The following PSMC1 variants were observed in gnomAD, a reference collection of about 807,000 sequenced individuals.
PSMC1 encodes the protein 26S proteasome regulatory subunit 4.
In PSMC1, 5 loss-of-function variants were observed where a neutral mutation model predicts 49.8. The observed-to-expected ratio is 0.10, with a 90% CI of 0.05 to 0.21. PSMC1 has a LOEUF of 0.21. PSMC1 is among the 10% of genes least tolerant of loss of function. PSMC1 has a pLI of 1.00. For synonymous variants in PSMC1, 155 were observed against 192.1 expected, an observed-to-expected ratio of 0.81 and a Z score of 1.60; for missense variants, 181 against 535.7, an observed-to-expected ratio of 0.34 and a Z score of 6.54.
At chr14:90,260,577 A>G (rs1316435915) in intron 3 of PSMC1, among the ~76,000 whole-genome samples, 2 of 152,182 alleles carry the variant, frequency 1.3e-5, no homozygotes, top group African/African-American at 4.8e-5. Flanking sequence ...CTAAAAATAC[A>G]AAGAATTAGC....
rs1483993292 is a variant in PSMC1, at chr14:90,256,726, ATCT to A, written c.3+130_3+132del. ...GCCCTCTTCTCCTTTTGCCGGCCTG[ATCT>A]TCTCGGCGGGTGGAGGCTCCCAGAG... On this transcript the variant is annotated intron_variant, in intron 1 of 10. Coordinates refer to ENST00000261303, the MANE Select transcript of PSMC1 (RefSeq NM_002802.3). 73 of 1,450,846 alleles carry A rather than the reference ATCT, an allele frequency of 5.0e-5. No individual in the cohort carries two copies. In the African/African-American group the frequency reaches 9.0e-4, roughly 18 times the overall value. The allele number at this position is 1,450,846 out of a possible 1,614,324, so 89.9% of individuals were successfully genotyped here.
At position 90,273,362 on chromosome 14, in the gene PSMC1, A is replaced by C. The variant is rs1485382330; in HGVS notation, c.*955A>C. 3.3e-5 allele frequency: 5 copies of C among 151,506 alleles called. No individual in the cohort carries two copies. The highest frequency in any genetic ancestry group is 1.2e-4 in the African/African-American group (5 of 41,502). The allele number at this position is 151,506 out of a possible 1,614,324, so 9.4% of individuals were successfully genotyped here. On this transcript the variant is annotated 3_prime_UTR_variant, in exon 11 of 11. Coordinates refer to ENST00000261303, the MANE Select transcript of PSMC1 (RefSeq NM_002802.3). ...ATCACAAGGTCAGAAGTTTGAGGCCAGCCTGGCCAACATGGTGAAACCCCA... is the reference window on the plus strand; with the variant it reads ...ATCACAAGGTCAGAAGTTTGAGGCCCGCCTGGCCAACATGGTGAAACCCCA...
intron 4 of PSMC1, 29 bp downstream of exon 4, chr14:90,263,471 T>G (rs147908366): frequency 0.01 from 16,177 of 1,543,696 alleles, 119 homozygotes; most frequent in Middle Eastern, 0.021. Context: ...ATCATTTTCT[T>G]TTTTACAAAT....
chr14:90,267,974 A>G, intron 7 of PSMC1: 1 of 371,466 alleles, frequency 2.7e-6, no homozygotes, highest in Non-Finnish European at 4.8e-6. Context: ...CCAAGTAAAA[A>G]GTATTTTCTG....
chr14:90,272,100 G>T lies in PSMC1; in HGVS notation c.1189-173G>T. The T allele has an allele frequency of 1.9e-6, 1 of 525,296 alleles. No homozygotes were observed. Among genetic ancestry groups the T allele is most frequent in the Non-Finnish European group, 3.3e-6 (1 of 300,838 alleles). 32.5% of individuals were successfully genotyped at this position (525,296 alleles called of 1,614,324 possible). ...GTAGAGATGGGGTTTCACCGTGTTG[G>T]CCAGGCTGGTCTTGAACTCCTGACC... On this transcript the variant is annotated intron_variant, in intron 10 of 10. Coordinates refer to ENST00000261303, the MANE Select transcript of PSMC1 (RefSeq NM_002802.3). The surrounding 1 kb of genome is among the most constrained non-coding windows in gnomAD (Gnocchi z 4.5).
At chr14:90,260,552 G>C (rs1386727235) in intron 3 of PSMC1, among the ~76,000 whole-genome samples, 1 of 152,146 alleles carries the variant, frequency 6.6e-6, no homozygotes, top group Non-Finnish European at 1.5e-5. Context: ...AAAACACGGT[G>C]AAACCCTGTC....
Position 90,272,081 on chromosome 14 carries a change from A to G in PSMC1, c.1189-192A>G. The G allele has an allele frequency of 2.3e-6, 1 of 436,080 alleles. No individual in the cohort carries two copies. The highest frequency in any genetic ancestry group is 5.7e-5 in the East Asian group (1 of 17,500). The allele number at this position is 436,080 out of a possible 1,614,324, so 27.0% of individuals were successfully genotyped here. ...CTAACTTTTTGTATTTTTAGTAGAGATGGGGTTTCACCGTGTTGGCCAGGC... is the reference window on the plus strand; with the variant it reads ...CTAACTTTTTGTATTTTTAGTAGAGGTGGGGTTTCACCGTGTTGGCCAGGC... On this transcript the variant is annotated intron_variant, in intron 10 of 10. Coordinates refer to ENST00000261303, the MANE Select transcript of PSMC1 (RefSeq NM_002802.3). The surrounding 1 kb of genome is among the most constrained non-coding windows in gnomAD (Gnocchi z 4.5).
intron 7 of PSMC1, chr14:90,267,986 C>G (rs967205490): frequency 2.5e-6 from 1 of 396,600 alleles, no homozygotes; most frequent in Non-Finnish European, 4.5e-6. Context: ...TATTTTCTGA[C>G]GTTATCATAA....
chr14:90,256,701 G>C, intron 1 of PSMC1, 101 bp downstream of exon 1: 6 of 1,516,634 alleles, frequency 4.0e-6, no homozygotes, highest in Non-Finnish European at 5.4e-6. Flanking sequence ...AACTGGGACA[G>C]CCCTCTTCTC....
At chr14:90,257,730 C>T (rs1361105796) in intron 1 of PSMC1, among the ~76,000 whole-genome samples, 1 of 152,004 alleles carries the variant, frequency 6.6e-6, no homozygotes, top group Non-Finnish European at 1.5e-5. Context: ...GTAGCTGCGA[C>T]TATAGGCGCC....
intron 1 of PSMC1, 104 bp from the exon 2 acceptor site, chr14:90,259,056 T>G: frequency 1.0e-6 from 1 of 996,132 alleles, no homozygotes; most frequent in East Asian, 2.9e-5. Flanking sequence ...GAGGGAGAAA[T>G]GTTACTCACA....
intron 1 of PSMC1, among the ~76,000 whole-genome samples, chr14:90,258,849 G>T (rs950144146): frequency 6.6e-6 from 1 of 152,164 alleles, no homozygotes; most frequent in African/African-American, 2.4e-5. Context: ...CCCCTCAAGA[G>T]GGGGGTGATC....
Position 90,270,271 on chromosome 14 carries a change from A to C in PSMC1, c.1107A>C (p.Thr369=). ...AGAAGCGCATCTTTCAGATTCACAC[A>C]AGCAGGATGACGCTGGCTGATGATG... ...KTKKRIFQIH[T]SRMTLADDVT... Residue 369 remains threonine, a synonymous_variant, in exon 10 of 11, where the codon ACA becomes ACC. Coordinates refer to ENST00000261303, the MANE Select transcript of PSMC1 (RefSeq NM_002802.3). The C allele has an allele frequency of 1.2e-6, 2 of 1,613,718 alleles. No individual in the cohort carries two copies. The highest frequency in any genetic ancestry group is 1.7e-6 in the Non-Finnish European group (2 of 1,179,886).
chr14:90,269,913 T>C lies in PSMC1; in HGVS notation c.1034-285T>C, dbSNP rs1172615006. On this transcript the variant is annotated intron_variant, in intron 9 of 10. Coordinates refer to ENST00000261303, the MANE Select transcript of PSMC1 (RefSeq NM_002802.3). Reference sequence around the variant, plus strand: ...GTGATTTGTTTGCTGTCTTTTGTAATGTTTTTAACACAATAGGTCTGCCCA... The same window carrying C: ...GTGATTTGTTTGCTGTCTTTTGTAACGTTTTTAACACAATAGGTCTGCCCA... The C allele has an allele frequency of 1.3e-5, 5 of 396,220 alleles. No homozygotes were observed. The Admixed American group carries it at 1.7e-4, about 13-fold the overall frequency. The allele number at this position is 396,220 out of a possible 1,614,324, so 24.5% of individuals were successfully genotyped here.
intron 3 of PSMC1, among the ~76,000 whole-genome samples, chr14:90,260,890 AAAAT>A (rs1398422194): frequency 6.6e-6 from 1 of 152,238 alleles, no homozygotes; most frequent in African/African-American, 2.4e-5. Flanking sequence ...ACTCTGTCTC[AAAAT>A]AAATAAATAA....
Position 90,275,115 on chromosome 14 carries a change from A to T in PSMC1, c.*2708A>T, listed in dbSNP as rs765027920. 6.6e-6 allele frequency: 1 copy of T among 152,220 alleles called. No individual in the cohort carries two copies. Among genetic ancestry groups the T allele is most frequent in the Non-Finnish European group, 1.5e-5 (1 of 68,038 alleles). 9.4% of individuals were successfully genotyped at this position (152,220 alleles called of 1,614,324 possible). A position where few individuals can be genotyped will look rare whatever the true frequency, so the allele number is the denominator to read the frequency against. On this transcript the variant is annotated 3_prime_UTR_variant, in exon 11 of 11. Coordinates refer to ENST00000261303, the MANE Select transcript of PSMC1 (RefSeq NM_002802.3). ...ACACCAGGCAAACACAAACTGAGGA[A>T]CATTCTACAAATTCAGAACACTTCA...
chr14:90,270,416 A>T (rs1244355630), intron 10 of PSMC1, 64 bp downstream of exon 10: 1 of 1,538,676 alleles, frequency 6.5e-7, no homozygotes, highest in East Asian at 2.3e-5. Context: ...AAGAGTCTAT[A>T]TGTGCTCTTG....
At chr14:90,261,240 C>T (rs182705824) in intron 3 of PSMC1, among the ~76,000 whole-genome samples, 6 of 152,326 alleles carry the variant, frequency 3.9e-5, no homozygotes, top group African/African-American at 1.4e-4. Context: ...CTCATGGCTA[C>T]TTGCTTCTCA....
At chr14:90,257,042 G>T (rs1891308401) in intron 1 of PSMC1, among the ~76,000 whole-genome samples, 1 of 152,202 alleles carries the variant, frequency 6.6e-6, no homozygotes, top group Admixed American at 6.5e-5. Context: ...TGAGCGCGGA[G>T]TCGTGGAAGG....
Sources: allele counts gnomAD v4.1 joint callset (sites outside exome capture counted in the v4.1 genomes callset), GRCh38; gene constraint gnomAD v4.1.1; non-coding constraint Gnocchi (gnomAD v3.1); transcripts MANE v1.5; gene names NCBI Gene and HGNC (gene_info 2026-07-23, HGNC 2026-07-21).